SEC63: variants seen among roughly 807,000 people sequenced by gnomAD.
SEC63 encodes translocation protein SEC63 homolog.
SEC63 carries 56 observed loss-of-function variants against 116.2 expected under a neutral mutation model. The observed-to-expected ratio is 0.48, with a 90% CI of 0.39 to 0.60. The LOEUF (loss-of-function observed/expected upper bound fraction) is 0.60. Among genes scored for constraint, SEC63 ranks in the 20% least tolerant of loss-of-function variants. SEC63 has a pLI of 0.00. For synonymous variants in SEC63, 273 were observed against 294.6 expected (o/e 0.93, Z 0.75); for missense variants, 668 against 900.0 (o/e 0.74, Z 3.30).
rs1770753198 is a variant in SEC63 at position 107,958,157 on chromosome 6, ACGCCGCCGCCACCTCTGC to A, written c.-166_-149del. ...CCGCCCCCACGCCACTCTCACGGACACGCCGCCGCCACCTCTGCCGCTGCCGCCGCCGTCGCCAGCTCT... is the reference window on the plus strand; with the variant it reads ...CCGCCCCCACGCCACTCTCACGGACACGCTGCCGCCGCCGTCGCCAGCTCT... On this transcript the variant is annotated 5_prime_UTR_variant, in exon 1 of 21. Coordinates refer to ENST00000369002, the MANE Select transcript of SEC63 (RefSeq NM_007214.5). The A allele has an allele frequency of 4.8e-6, 6 of 1,244,572 alleles. No individual in the cohort carries two copies. Among genetic ancestry groups the A allele is most frequent in the Non-Finnish European group, 6.7e-6 (6 of 889,128 alleles). 77.1% of individuals were successfully genotyped at this position (1,244,572 alleles called of 1,614,324 possible).
intron 4 of SEC63, among the ~76,000 whole-genome samples, chr6:107,913,882 A>G (rs1401994330): frequency 6.6e-6 from 1 of 152,220 alleles, no homozygotes; most frequent in Non-Finnish European, 1.5e-5. Context: ...TCATAATGGT[A>G]GCTTCCCCAC....
At position 107,942,749 on chromosome 6, in the gene SEC63, CA is replaced by C. The variant is rs139953332; in HGVS notation, c.125-13236del. ...GGATAACATACACAGTTGATTAACACATATTTTGTGTATGTATTATATACTG... is the reference window on the plus strand; with the variant it reads ...GGATAACATACACAGTTGATTAACACTATTTTGTGTATGTATTATATACTG... On this transcript the variant is annotated intron_variant, in intron 1 of 20. Transcript: ENST00000369002. 4.0e-3 allele frequency among the ~76,000 whole-genome samples: 611 copies of C among 152,196 alleles called. 7 individuals are homozygous for C. Among genetic ancestry groups the C allele is most frequent in the African/African-American group, 0.014 (593 of 41,534 alleles).
chr6:107,958,182 C>A lies in SEC63; in HGVS notation c.-173G>T, dbSNP rs564462159. ...ACGCCGCCGCCACCTCTGCCGCTGC[C>A]GCCGCCGTCGCCAGCTCTCGCGAGA... On this transcript the variant is annotated 5_prime_UTR_variant, in exon 1 of 21. Coordinates refer to ENST00000369002, the MANE Select transcript of SEC63 (RefSeq NM_007214.5). The A allele has an allele frequency of 4.3e-6, 4 of 938,170 alleles. No individual in the cohort carries two copies. The South Asian group carries it at 4.5e-5, about 11-fold the overall frequency. The allele number at this position is 938,170 out of a possible 1,614,324, so 58.1% of individuals were successfully genotyped here.
intron 16 of SEC63, among the ~76,000 whole-genome samples, chr6:107,891,387 A>T (rs1472974730): frequency 6.6e-6 from 1 of 151,852 alleles, no homozygotes; most frequent in Non-Finnish European, 1.5e-5. Flanking sequence ...TGCTTCACGA[A>T]GTTCTCGTGC....
chr6:107,939,157 C>T (rs573243796), intron 1 of SEC63, among the ~76,000 whole-genome samples: 2 of 152,028 alleles, frequency 1.3e-5, no homozygotes, highest in African/African-American at 4.8e-5. Context: ...GTGGTACACA[C>T]CTACAGTCCC....
intron 1 of SEC63, among the ~76,000 whole-genome samples, chr6:107,944,142 A>G (rs1435803094): frequency 1.3e-5 from 2 of 152,242 alleles, no homozygotes; most frequent in African/African-American, 4.8e-5. Context: ...AATCAAGAGT[A>G]ACTTCTAATC....
At chr6:107,953,022 C>T (rs1003818541) in intron 1 of SEC63, among the ~76,000 whole-genome samples, 11 of 151,990 alleles carry the variant, frequency 7.2e-5, no homozygotes, top group Non-Finnish European at 1.2e-4. Flanking sequence ...GACTTTGGGA[C>T]GCCGAGGCAG....
At position 107,904,125 on chromosome 6, in the gene SEC63, A is replaced by C. The variant is rs1252216809; in HGVS notation, c.1054+504T>G. Among the ~76,000 whole-genome samples, 4 of 149,650 alleles carry C rather than the reference A, an allele frequency of 2.7e-5. No individual in the cohort carries two copies. In the East Asian group the frequency reaches 7.8e-4, roughly 29 times the overall value. On this transcript the variant is annotated intron_variant, in intron 11 of 20. Transcript: ENST00000369002. ...AGAGTGAGACTCTGTCTCCAAAAAAAAAAAAAACAAGAATTAAAATCAAAA... is the reference window on the plus strand; with the variant it reads ...AGAGTGAGACTCTGTCTCCAAAAAACAAAAAAACAAGAATTAAAATCAAAA...
rs935894990 is a variant in SEC63, at chr6:107,888,416, T to C, written c.1674+5066A>G. On this transcript the variant is annotated intron_variant, in intron 16 of 20. Coordinates refer to ENST00000369002, the MANE Select transcript of SEC63 (RefSeq NM_007214.5). ...TTTGTATGTTATTGGTGTATAGGAA[T>C]GCTTGTGATTTTTGCACATTGATTT... Among the ~76,000 whole-genome samples, 27 of 152,338 alleles carry C rather than the reference T, an allele frequency of 1.8e-4. No individual in the cohort carries two copies. In the East Asian group the frequency reaches 4.1e-3, roughly 23 times the overall value.
chr6:107,954,768 T>C (rs1176194867), intron 1 of SEC63: 1 of 152,214 alleles, frequency 6.6e-6, no homozygotes, highest in Non-Finnish European at 1.5e-5. Context: ...GCAACTGGGC[T>C]GCAGAAAAAA....
At chr6:107,880,241 A>G (rs1344801374) in intron 18 of SEC63, among the ~76,000 whole-genome samples, 1 of 152,220 alleles carries the variant, frequency 6.6e-6, no homozygotes, top group Non-Finnish European at 1.5e-5. Flanking sequence ...ATTATTTACG[A>G]ATTTGCCTTA....
At position 107,868,286 on chromosome 6, in the gene SEC63, AAAACCCAAC is replaced by A. The variant is rs1786046534; in HGVS notation, c.*3409_*3417del. 1 of 152,102 alleles carries A rather than the reference AAAACCCAAC, an allele frequency of 6.6e-6. No homozygotes were observed. The highest frequency in any genetic ancestry group is 1.5e-5 in the Non-Finnish European group (1 of 67,996). 9.4% of individuals were successfully genotyped at this position (152,102 alleles called of 1,614,324 possible). Reference sequence around the variant, plus strand: ...TTGTTGTTTTTGTTTTTTTTCCAAAAAAACCCAACAGGCTGGGCGCAGTGGCTCATGCCT... The same window carrying A: ...TTGTTGTTTTTGTTTTTTTTCCAAAAAGGCTGGGCGCAGTGGCTCATGCCT... On this transcript the variant is annotated 3_prime_UTR_variant, in exon 21 of 21. Coordinates refer to ENST00000369002, the MANE Select transcript of SEC63 (RefSeq NM_007214.5).
chr6:107,876,741 T>C (rs1786284574), intron 18 of SEC63, 79 bp from the exon 19 acceptor site: 2 of 944,178 alleles, frequency 2.1e-6, no homozygotes, highest in Non-Finnish European at 3.3e-6. Context: ...AATTTTGGCC[T>C]CTCTTATCTT....
chr6:107,951,286 G>A (rs576453906), intron 1 of SEC63, among the ~76,000 whole-genome samples: 1 of 152,224 alleles, frequency 6.6e-6, no homozygotes, highest in South Asian at 2.1e-4. Flanking sequence ...TAGCACAATG[G>A]TAAATACTCT....
At chr6:107,895,484 G>C (rs1786792930) in intron 14 of SEC63, among the ~76,000 whole-genome samples, 1 of 150,052 alleles carries the variant, frequency 6.7e-6, no homozygotes, top group Admixed American at 6.6e-5. Flanking sequence ...TGAAATGGTA[G>C]GATCACTTGA....
chr6:107,871,457 T>C lies in SEC63; in HGVS notation c.*247A>G. Reference sequence around the variant, plus strand: ...TCTGGACAGTTATAATAACAAAGGATTTATTATCATTTGCAGATGAAATAA... The same window carrying C: ...TCTGGACAGTTATAATAACAAAGGACTTATTATCATTTGCAGATGAAATAA... On this transcript the variant is annotated 3_prime_UTR_variant, in exon 21 of 21. Coordinates refer to ENST00000369002, the MANE Select transcript of SEC63 (RefSeq NM_007214.5). 1 of 508,848 alleles carries C rather than the reference T, an allele frequency of 2.0e-6. No homozygotes were observed. Among genetic ancestry groups the C allele is most frequent in the Non-Finnish European group, 3.6e-6 (1 of 279,350 alleles). The allele number at this position is 508,848 out of a possible 1,614,324, so 31.5% of individuals were successfully genotyped here.
chr6:107,926,065 G>A (rs1423897457), intron 2 of SEC63, among the ~76,000 whole-genome samples: 2 of 152,054 alleles, frequency 1.3e-5, no homozygotes, highest in African/African-American at 2.4e-5. Flanking sequence ...TGATCCGCTC[G>A]CCTCAGCCTC....
intron 16 of SEC63, among the ~76,000 whole-genome samples, chr6:107,886,558 G>A (rs960303064): frequency 3.3e-5 from 5 of 151,766 alleles, no homozygotes; most frequent in Admixed American, 2.0e-4. Context: ...TCTAACTGGC[G>A]TGAGATGGTA....
chr6:107,933,548 C>T (rs1318840205), intron 1 of SEC63, among the ~76,000 whole-genome samples: 1 of 152,148 alleles, frequency 6.6e-6, no homozygotes, highest in African/African-American at 2.4e-5. Flanking sequence ...AATGAGAAAA[C>T]ACTGTACAAC....
Sources: gnomAD v4.1 joint callset for allele counts (sites outside exome capture counted in the v4.1 genomes callset) on GRCh38, gnomAD v4.1.1 for gene constraint, MANE v1.5 for transcripts, NCBI Gene and HGNC (gene_info 2026-07-23, HGNC 2026-07-21) for gene names.